TRAPPC9: variants seen among roughly 807,000 people sequenced by gnomAD.
The protein encoded by TRAPPC9 is IKK2 binding protein.
A neutral mutation model predicts 124.0 loss-of-function variants in TRAPPC9; 83 were observed. That is an observed-to-expected ratio of 0.67 (90% CI 0.56 to 0.80). The LOEUF (loss-of-function observed/expected upper bound fraction) is 0.80. Ranked by LOEUF, TRAPPC9 falls within the 30% of genes least tolerant of loss-of-function variation. The pLI is 0.00. For missense variants in TRAPPC9, 1,302 were observed against 1,508.3 expected (o/e 0.86, Z 2.27); for synonymous variants, 638 against 617.5 (o/e 1.03, Z -0.49).
At chr8:140,075,250 C>T (rs374693109) in intron 17 of TRAPPC9, among the ~76,000 whole-genome samples, 20 of 152,172 alleles carry the variant, frequency 1.3e-4, no homozygotes, top group Non-Finnish European at 1.5e-4. Flanking sequence ...AGGTTAAATG[C>T]TATAATGTAC....
rs954824682 is a variant in TRAPPC9, at chr8:139,730,891, C to G, written c.*170G>C. The G allele has an allele frequency of 4.1e-6, 3 of 737,286 alleles. No individual in the cohort carries two copies. The highest frequency in any genetic ancestry group is 3.5e-5 in the African/African-American group (2 of 56,370). The allele number at this position is 737,286 out of a possible 1,614,324, so 45.7% of individuals were successfully genotyped here. Reference sequence around the variant, plus strand: ...GGGGCTGCCATGTCCGGGGCTTCTGCGTAGCCCAGCAAAGATGCTACAGGA... The same window carrying G: ...GGGGCTGCCATGTCCGGGGCTTCTGGGTAGCCCAGCAAAGATGCTACAGGA... On this transcript the variant is annotated 3_prime_UTR_variant, in exon 23 of 23. Coordinates refer to ENST00000438773, the MANE Select transcript of TRAPPC9 (RefSeq NM_001160372.4).
chr8:140,285,508 C>T (rs1370109870), intron 13 of TRAPPC9, among the ~76,000 whole-genome samples: 2 of 152,166 alleles, frequency 1.3e-5, no homozygotes, highest in South Asian at 2.1e-4. Context: ...GCCCCAATGC[C>T]CTCCAGAGAA....
intron 18 of TRAPPC9, among the ~76,000 whole-genome samples, chr8:140,018,024 T>G (rs1323290494): frequency 6.6e-6 from 1 of 152,106 alleles, no homozygotes; most frequent in Non-Finnish European, 1.5e-5. Flanking sequence ...TTGTATTTTT[T>G]AGCAGAGAGT....
At chr8:140,090,906 G>A (rs1285224411) in intron 17 of TRAPPC9, among the ~76,000 whole-genome samples, 8 of 152,210 alleles carry the variant, frequency 5.3e-5, no homozygotes, top group East Asian at 1.9e-4. Flanking sequence ...TGGGTGATAC[G>A]TCTTAGCTCC....
At chr8:140,350,490 A>G (rs1238494739) in intron 9 of TRAPPC9, among the ~76,000 whole-genome samples, 1 of 152,238 alleles carries the variant, frequency 6.6e-6, no homozygotes, top group Non-Finnish European at 1.5e-5. Flanking sequence ...GAGGCTGTCC[A>G]TCCATTTAAC....
At chr8:139,781,221 A>C (rs1394533485) in intron 21 of TRAPPC9, among the ~76,000 whole-genome samples, 1 of 152,242 alleles carries the variant, frequency 6.6e-6, no homozygotes, top group African/African-American at 2.4e-5. Context: ...GGATGTTTAG[A>C]GAAGTTTTAT....
intron 17 of TRAPPC9, among the ~76,000 whole-genome samples, chr8:140,077,227 T>C (rs11995906): frequency 0.048 from 7,285 of 152,200 alleles, 341 homozygotes; most frequent in African/African-American, 0.11. Flanking sequence ...TATTTGTTTG[T>C]GTATTGAACA....
chr8:140,194,969 C>A (rs1257914138), intron 17 of TRAPPC9, among the ~76,000 whole-genome samples: 1 of 152,078 alleles, frequency 6.6e-6, no homozygotes, highest in Admixed American at 6.5e-5. Flanking sequence ...ACAGATCACA[C>A]CTGTGACACT....
chr8:140,052,052 G>C (rs1050861945), intron 17 of TRAPPC9, among the ~76,000 whole-genome samples: 1 of 152,120 alleles, frequency 6.6e-6, no homozygotes, highest in African/African-American at 2.4e-5. Flanking sequence ...ATCAGGGGCC[G>C]GCCAGGTGAC....
At chr8:140,375,195 T>C (rs2068401612) in intron 7 of TRAPPC9, among the ~76,000 whole-genome samples, 1 of 152,098 alleles carries the variant, frequency 6.6e-6, no homozygotes, top group Non-Finnish European at 1.5e-5. Context: ...TGAGATGAAA[T>C]CCCCAAACTC....
At chr8:139,855,551 G>A (rs1247842128) in intron 21 of TRAPPC9, among the ~76,000 whole-genome samples, 4 of 152,194 alleles carry the variant, frequency 2.6e-5, no homozygotes, top group Admixed American at 1.3e-4. Context: ...GCGTCATCTC[G>A]GCTCCGCTCC....
intron 21 of TRAPPC9, among the ~76,000 whole-genome samples, chr8:139,736,299 G>A (rs1818160891): frequency 6.6e-6 from 1 of 152,228 alleles, no homozygotes; most frequent in South Asian, 2.1e-4. Flanking sequence ...CTTTTAGCCT[G>A]CATTGCAGGA....
At position 139,925,825 on chromosome 8, in the gene TRAPPC9, A is replaced by ACGCACACG. The variant is rs796347430; in HGVS notation, c.2811-15526_2811-15525insCGTGTGCG. Among the ~76,000 whole-genome samples, 387 of 39,406 alleles carry ACGCACACG rather than the reference A, an allele frequency of 9.8e-3. 1 individual carries two copies. Among genetic ancestry groups the ACGCACACG allele is most frequent in the African/African-American group, 0.043 (362 of 8,438 alleles). The allele number at this position is 39,406 out of a possible 152,430, so 25.9% of individuals were successfully genotyped here. The stretch of plus-strand genomic sequence containing the variant: ...CCAGCACACGCACACGCACACGCAC[A>ACGCACACG]CGCACACACACACACACACACGTTT... On this transcript the variant is annotated intron_variant, in intron 19 of 22. Transcript: ENST00000438773.
rs563797512 is a variant in TRAPPC9 at position 140,292,958 on chromosome 8, C to T, written c.1769-1880G>A. Reference sequence around the variant, plus strand: ...ACAAAATGGGAGAAAATTTTCGCAACCTACTCATCTGACAAAGGGCTAATA... The same window carrying T: ...ACAAAATGGGAGAAAATTTTCGCAATCTACTCATCTGACAAAGGGCTAATA... On this transcript the variant is annotated intron_variant, in intron 11 of 22. Coordinates refer to ENST00000438773, the MANE Select transcript of TRAPPC9 (RefSeq NM_001160372.4). Among the ~76,000 whole-genome samples, 1,227 of 142,286 alleles carry T rather than the reference C, an allele frequency of 8.6e-3. 22 individuals are homozygous for T. Among genetic ancestry groups the T allele is most frequent in the African/African-American group, 0.032 (1,183 of 36,666 alleles). The allele number at this position is 142,286 out of a possible 152,430, so 93.3% of individuals were successfully genotyped here. A position where few individuals can be genotyped will look rare whatever the true frequency, so the allele number is the denominator to read the frequency against.
chr8:140,030,744 A>C (rs1840448820), intron 17 of TRAPPC9, among the ~76,000 whole-genome samples: 1 of 152,250 alleles, frequency 6.6e-6, no homozygotes, highest in African/African-American at 2.4e-5. Flanking sequence ...TCTGAAAGAA[A>C]GAAGCCAGAC....
At chr8:140,045,293 C>A (rs1841514105) in intron 17 of TRAPPC9, among the ~76,000 whole-genome samples, 1 of 152,220 alleles carries the variant, frequency 6.6e-6, no homozygotes, top group Non-Finnish European at 1.5e-5. Flanking sequence ...CTGCTGCGGG[C>A]TGTGAGCATT....
At position 140,160,821 on chromosome 8, in the gene TRAPPC9, T is replaced by A. The variant is rs1037622832; in HGVS notation, c.2556+60638A>T. ...AAAATAAATAAAATAAAAAGGAAGCTTGAAGATTCCTGAAAAAAAAAAAGT... is the reference window on the plus strand; with the variant it reads ...AAAATAAATAAAATAAAAAGGAAGCATGAAGATTCCTGAAAAAAAAAAAGT... On this transcript the variant is annotated intron_variant, in intron 17 of 22. Coordinates refer to ENST00000438773, the MANE Select transcript of TRAPPC9 (RefSeq NM_001160372.4). 5.9e-4 allele frequency among the ~76,000 whole-genome samples: 87 copies of A among 148,340 alleles called. 2 individuals carry two copies. The highest frequency in any genetic ancestry group is 3.0e-5 in the Non-Finnish European group (2 of 65,978).
At chr8:140,158,962 T>C (rs1220169279) in intron 17 of TRAPPC9, among the ~76,000 whole-genome samples, 5 of 152,372 alleles carry the variant, frequency 3.3e-5, no homozygotes, top group African/African-American at 9.6e-5. Flanking sequence ...ATCCATCAGC[T>C]ACTGGAAGAA....
rs372035687 is a variant in TRAPPC9, at chr8:139,989,923, G to A, written c.2700-1087C>T. On this transcript the variant is annotated intron_variant, in intron 18 of 22. Transcript: ENST00000438773. ...CGTAACAGGTCATCGATAAATGTCT[G>A]CTGAGCTCAGTGGATGGCTGCACCC... Among the ~76,000 whole-genome samples, 6 of 152,300 alleles carry A rather than the reference G, an allele frequency of 3.9e-5. No homozygotes were observed. The East Asian group carries it at 1.2e-3, about 29-fold the overall frequency.
Sources: allele counts gnomAD v4.1 joint callset (sites outside exome capture counted in the v4.1 genomes callset), GRCh38; gene constraint gnomAD v4.1.1; transcripts MANE v1.5; gene names NCBI Gene and HGNC (gene_info 2026-07-23, HGNC 2026-07-21).